The following TAP2 variants were observed in gnomAD, a reference collection of about 807,000 sequenced individuals.
TAP2 encodes transporter 2, ATP binding cassette subfamily B member, also known as antigen peptide transporter 2.
TAP2 carries 49 observed loss-of-function variants against 74.7 expected under a neutral mutation model. That is an observed-to-expected ratio of 0.66 (90% CI 0.52 to 0.83). The LOEUF is 0.83. Among genes scored for constraint, TAP2 ranks in the 40% least tolerant of loss-of-function variants. The pLI, the probability that TAP2 is intolerant of heterozygous loss-of-function variation, is 0.00. For synonymous variants in TAP2, 306 were observed against 368.4 expected (o/e 0.83, Z 1.94); for missense variants, 739 against 859.0 (o/e 0.86, Z 1.75).
downstream of TAP2, among the ~76,000 whole-genome samples, chr6:32,822,937 T>TTTTGG: frequency 8.7e-6 from 1 of 114,834 alleles, no homozygotes; most frequent in African/African-American, 3.0e-5. Context: ...TTTTTTTTTT[T>TTTTGG]GAGGCAGAGT....
intron 7 of TAP2, 67 bp from the exon 8 acceptor site, chr6:32,830,873 C>T (rs1769035304): frequency 7.4e-7 from 1 of 1,350,616 alleles, no homozygotes; most frequent in African/African-American, 1.4e-5. Context: ...CCTCCCAACT[C>T]CTCACACACT....
chr6:32,838,277 T>C, intron 1 of TAP2, 40 bp from the exon 2 acceptor site: 1 of 1,508,244 alleles, frequency 6.6e-7, no homozygotes, highest in Non-Finnish European at 8.8e-7. Flanking sequence ...GGGGGTGGAG[T>C]CCCAATCCTT....
At chr6:32,823,974 CTG>C (rs1554230491), downstream of TAP2, among the ~76,000 whole-genome samples, 1 of 152,016 alleles carries the variant, frequency 6.6e-6, no homozygotes, top group Non-Finnish European at 1.5e-5. Context: ...CTTCCTCTTT[CTG>C]TGTGTGTGTC....
At position 32,826,592 on chromosome 6, in the gene TAP2, C is replaced by G. The variant is rs1285894066; in HGVS notation, c.*2314G>C. 2.0e-6 allele frequency: 2 copies of G among 985,294 alleles called. No individual in the cohort carries two copies. Among genetic ancestry groups the G allele is most frequent in the Non-Finnish European group, 1.2e-6 (1 of 829,926 alleles). The allele number at this position is 985,294 out of a possible 1,614,324, so 61.0% of individuals were successfully genotyped here. On this transcript the variant is annotated 3_prime_UTR_variant, in exon 12 of 12. Transcript: ENST00000374897. ...AGGGAGCATTTTTCTGTGTCCCTGA[C>G]ATAAAGCCTACCTGGGAGTTTCCCC...
intron 3 of TAP2, among the ~76,000 whole-genome samples, chr6:32,836,449 A>G (rs1769426809): frequency 6.6e-6 from 1 of 152,262 alleles, no homozygotes; most frequent in Admixed American, 6.5e-5. Context: ...GGAGAGTCAG[A>G]CATGATATAA....
rs1768752984 is a variant in TAP2 at position 32,827,729 on chromosome 6, AACAGTGT to A, written c.*1170_*1176del. ...GGAGAGGGTGAGACAGATGGGCTGG[AACAGTGT>A]GTGCTCTGAAAAGGATCTCTGCAGC... is the stretch of plus-strand genomic sequence containing the variant. On this transcript the variant is annotated 3_prime_UTR_variant, in exon 12 of 12. Coordinates refer to ENST00000374897, the MANE Select transcript of TAP2 (RefSeq NM_001290043.2). 6.1e-6 allele frequency: 4 copies of A among 655,902 alleles called. 1 individual carries two copies. The highest frequency in any genetic ancestry group is 1.3e-4 in the Admixed American group (1 of 7,752). 40.6% of individuals were successfully genotyped at this position (655,902 alleles called of 1,614,324 possible).
Position 32,836,591 on chromosome 6 carries a change from T to C in TAP2, c.609-818A>G, listed in dbSNP as rs530861306. 1.3e-4 allele frequency among the ~76,000 whole-genome samples: 20 copies of C among 152,348 alleles called. 1 individual carries two copies. Among genetic ancestry groups the C allele is most frequent in the South Asian group, 1.0e-3 (5 of 4,832 alleles). On this transcript the variant is annotated intron_variant, in intron 3 of 11. Transcript: ENST00000374897. ...CATAGCCTACTGCACACCTAGGCCA[T>C]GTAGTTTAGCCTATTGCTCCTAGGC...
intron 11 of TAP2, 92 bp downstream of exon 11, chr6:32,829,308 T>C: frequency 8.5e-6 from 13 of 1,537,462 alleles, no homozygotes; most frequent in Non-Finnish European, 1.1e-5. Flanking sequence ...TAGTAGGTCC[T>C]TCGTCCTCCC....
intron 5 of TAP2, among the ~76,000 whole-genome samples, chr6:32,833,618 T>TA (rs35261666): frequency 7.7e-4 from 116 of 151,450 alleles, no homozygotes; most frequent in African/African-American, 2.6e-3. Flanking sequence ...GAATGGCTAT[T>TA]AAAAAAAAAG....
intron 11 of TAP2, 39 bp from the exon 12 acceptor site, chr6:32,829,073 G>A: frequency 6.5e-7 from 1 of 1,528,658 alleles, no homozygotes; most frequent in South Asian, 1.2e-5. Flanking sequence ...AGACAGGAAT[G>A]AGATGGACAC....
Position 32,828,764 on chromosome 6 carries a change from T to C in TAP2, c.*142A>G, listed in dbSNP as rs1273744020. The C allele has an allele frequency of 4.5e-6, 5 of 1,110,394 alleles. No individual in the cohort carries two copies. The East Asian group carries it at 2.9e-4, about 64-fold the overall frequency. 68.8% of individuals were successfully genotyped at this position (1,110,394 alleles called of 1,614,324 possible). A position where few individuals can be genotyped will look rare whatever the true frequency, so the allele number is the denominator to read the frequency against. On this transcript the variant is annotated 3_prime_UTR_variant, in exon 12 of 12. Transcript: ENST00000374897. ...CGTGCCTGCAACTCAGGAACAGCTA[T>C]CTGGCCGCACAGCTCTAGGGAAACT...
In TAP2 at chr6:32,828,910, A is replaced by G; in HGVS notation, c.2057T>C (p.Leu686Pro). The G allele has an allele frequency of 6.5e-7, 1 of 1,544,480 alleles. No individual in the cohort carries two copies. The change falls in exon 12 of 12, where the codon CTC (leucine) becomes CCC (proline). Residue 686 changes from leucine (L) to proline (P), a missense_variant. Coordinates refer to ENST00000374897, the MANE Select transcript of TAP2 (RefSeq NM_001290043.2). ...QEGKLQKLAQ[L>P] ...GGAATAGAGGTCCTGTCCCTCCTAG[A>G]GCTGGGCAAGCTTCTGCAGCTTGCC... is the stretch of plus-strand genomic sequence containing the variant.
chr6:32,827,889 A>G lies in TAP2; in HGVS notation c.*1017T>C. The G allele has an allele frequency of 2.8e-6, 2 of 710,352 alleles. 1 individual carries two copies. Among genetic ancestry groups the G allele is most frequent in the Non-Finnish European group, 3.3e-6 (2 of 610,344 alleles). 44.0% of individuals were successfully genotyped at this position (710,352 alleles called of 1,614,324 possible). A position where few individuals can be genotyped will look rare whatever the true frequency, so the allele number is the denominator to read the frequency against. ...TAATGGTAGAGAAACCTCTCTGGTG[A>G]TGGGATCATCTTAAGTCTATGAGTG... On this transcript the variant is annotated 3_prime_UTR_variant, in exon 12 of 12. Coordinates refer to ENST00000374897, the MANE Select transcript of TAP2 (RefSeq NM_001290043.2).
chr6:32,829,271 C>T, intron 11 of TAP2, 129 bp downstream of exon 11: 1 of 1,479,282 alleles, frequency 6.8e-7, no homozygotes, highest in Admixed American at 2.0e-5. Flanking sequence ...CATTCCCCAA[C>T]CCCAAGAAGG....
At chr6:32,829,580 C>T (rs993356900) in intron 10 of TAP2, 44 bp from the exon 11 acceptor site, 8 of 1,612,902 alleles carry the variant, frequency 5.0e-6, no homozygotes, top group Non-Finnish European at 6.8e-6. Context: ...ACAAGTGACA[C>T]AGACAACACA....
At position 32,828,524 on chromosome 6, in the gene TAP2, C is replaced by T. The variant is rs956612990; in HGVS notation, c.*382G>A. 17 of 977,638 alleles carry T rather than the reference C, an allele frequency of 1.7e-5. No individual in the cohort carries two copies. Among genetic ancestry groups the T allele is most frequent in the Non-Finnish European group, 1.9e-5 (16 of 822,220 alleles). The allele number at this position is 977,638 out of a possible 1,614,324, so 60.6% of individuals were successfully genotyped here. ...GGTACTTTTACTTTTCTTCTTTGTA[C>T]TTTTTTATATTGTCTAAATTTTCTA... On this transcript the variant is annotated 3_prime_UTR_variant, in exon 12 of 12. Coordinates refer to ENST00000374897, the MANE Select transcript of TAP2 (RefSeq NM_001290043.2).
chr6:32,837,476 G>A (rs1157947887), intron 3 of TAP2, 61 bp downstream of exon 3: 2 of 1,393,090 alleles, frequency 1.4e-6, no homozygotes, highest in African/African-American at 1.4e-5. Flanking sequence ...TGGAGTTAGG[G>A]AAGTGAAGAC....
At position 32,832,005 on chromosome 6, in the gene TAP2, G is replaced by A. The variant is rs1273498112; in HGVS notation, c.1272+328C>T. Among the ~76,000 whole-genome samples, 1 of 152,100 alleles carries A rather than the reference G, an allele frequency of 6.6e-6. No homozygotes were observed. Among genetic ancestry groups the A allele is most frequent in the East Asian group, 1.9e-4 (1 of 5,202 alleles). ...CTTTTAAAGATGTTTGTATTTTTAAGAAACATACTGAAATATTTACAGATG... is the reference window on the plus strand; with the variant it reads ...CTTTTAAAGATGTTTGTATTTTTAAAAAACATACTGAAATATTTACAGATG... On this transcript the variant is annotated intron_variant, in intron 7 of 11. Coordinates refer to ENST00000374897, the MANE Select transcript of TAP2 (RefSeq NM_001290043.2). The surrounding 1 kb of genome is among the most constrained non-coding windows in gnomAD (Gnocchi z 5.9).
downstream of TAP2, among the ~76,000 whole-genome samples, chr6:32,822,962 C>T (rs1223171236): frequency 6.8e-6 from 1 of 146,128 alleles, no homozygotes; most frequent in Admixed American, 6.9e-5. Context: ...CTGTGCCGCC[C>T]AGGCTGGAGT....
Sources: gnomAD v4.1 joint callset for allele counts (sites outside exome capture counted in the v4.1 genomes callset) on GRCh38, gnomAD v4.1.1 for gene constraint, Gnocchi (gnomAD v3.1) non-coding constraint, MANE v1.5 for transcripts, NCBI Gene and HGNC (gene_info 2026-07-23, HGNC 2026-07-21) for gene names.